Variants in NDST4 observed in about 807,000 individuals in gnomAD.
NDST4 encodes N-deacetylase and N-sulfotransferase 4.
In NDST4, 63 loss-of-function variants were observed where a neutral mutation model predicts 100.8. The ratio of observed to expected loss-of-function variants is 0.62; its 90% CI spans 0.51 to 0.77. The LOEUF (loss-of-function observed/expected upper bound fraction) is 0.77, where lower values mean the gene tolerates loss of function less well. Ranked by LOEUF, NDST4 falls within the 30% of genes least tolerant of loss-of-function variation. The probability of loss-of-function intolerance (pLI) is 0.00; values close to 1 mark genes in which losing one functional copy is unlikely to be tolerated. For missense variants in NDST4, 943 were observed against 1,018.4 expected, an observed-to-expected ratio of 0.93 and a Z score of 1.01; for synonymous variants, 377 against 361.8, an observed-to-expected ratio of 1.04 and a Z score of -0.48.
rs59764163 is a variant in NDST4, at chr4:114,894,798, A to T, written c.1537-23848T>A. ...CTATGTTAAATAGGAGTGGTGAGAGAGGGCATCCTTGTCTTTTACCGGTTT... is the reference window on the plus strand; with the variant it reads ...CTATGTTAAATAGGAGTGGTGAGAGTGGGCATCCTTGTCTTTTACCGGTTT... On this transcript the variant is annotated intron_variant, in intron 6 of 13. Transcript: ENST00000264363. Among the ~76,000 whole-genome samples the T allele has an allele frequency of 8.5e-3, 1,299 of 152,226 alleles. 19 individuals carry two copies. Among genetic ancestry groups the T allele is most frequent in the African/African-American group, 0.029 (1,204 of 41,528 alleles).
intron 8 of NDST4, among the ~76,000 whole-genome samples, chr4:114,850,183 A>C (rs997614509): frequency 6.6e-6 from 1 of 152,220 alleles, no homozygotes; most frequent in Non-Finnish European, 1.5e-5. Flanking sequence ...CATGCAGGGC[A>C]CAGATAAAAA....
intron 2 of NDST4, among the ~76,000 whole-genome samples, chr4:114,996,781 AC>A (rs1351880895): frequency 3.3e-5 from 5 of 152,166 alleles, no homozygotes; most frequent in African/African-American, 1.2e-4. Flanking sequence ...GAGAACTCAA[AC>A]TACTTGCCAA....
intron 1 of NDST4, among the ~76,000 whole-genome samples, chr4:115,098,239 T>A (rs1187368156): frequency 6.6e-6 from 1 of 152,108 alleles, no homozygotes; most frequent in Non-Finnish European, 1.5e-5. Context: ...ATTGAAAAGG[T>A]AGGTAGGTAA....
intron 10 of NDST4, among the ~76,000 whole-genome samples, chr4:114,843,536 T>TC: frequency 6.6e-6 from 1 of 152,316 alleles, no homozygotes; most frequent in South Asian, 2.1e-4. Flanking sequence ...CTCTATTTCT[T>TC]CACCCCTAAT....
chr4:115,026,269 T>C lies in NDST4; in HGVS notation c.979-48995A>G, dbSNP rs151216049. ...GTGTTATAAGAAGGAATAATAATTA[T>C]TTATTTCTGTAGAAAAAATGTCATG... On this transcript the variant is annotated intron_variant, in intron 2 of 13. Transcript: ENST00000264363. 5.7e-3 allele frequency among the ~76,000 whole-genome samples: 866 copies of C among 152,230 alleles called. 11 individuals are homozygous for C. The highest frequency in any genetic ancestry group is 0.019 in the African/African-American group (777 of 41,552).
intron 2 of NDST4, among the ~76,000 whole-genome samples, chr4:114,987,481 G>A (rs757331394): frequency 6.6e-6 from 1 of 152,182 alleles, no homozygotes; most frequent in African/African-American, 2.4e-5. Flanking sequence ...GAATGTGGAT[G>A]TTTGAGCTAC....
chr4:114,965,172 T>A (rs186100245), intron 4 of NDST4, among the ~76,000 whole-genome samples: 1 of 152,084 alleles, frequency 6.6e-6, no homozygotes, highest in African/African-American at 2.4e-5. Flanking sequence ...TTATTATCAG[T>A]TTTTTTCTGC....
intron 11 of NDST4, among the ~76,000 whole-genome samples, chr4:114,837,649 T>A (rs1723332671): frequency 1.3e-5 from 2 of 152,192 alleles, no homozygotes; most frequent in Non-Finnish European, 2.9e-5. Context: ...ACTGGACCCC[T>A]TCCTTACACT....
At chr4:115,002,023 T>C (rs6844769) in intron 2 of NDST4, among the ~76,000 whole-genome samples, 15,916 of 152,194 alleles carry the variant, frequency 0.1, 1,196 homozygotes, top group African/African-American at 0.21. Context: ...AATTAAAAAG[T>C]TCTTTCTTCA....
chr4:114,988,832 T>G (rs893856524), intron 2 of NDST4, among the ~76,000 whole-genome samples: 2 of 152,170 alleles, frequency 1.3e-5, no homozygotes, highest in African/African-American at 4.8e-5. Flanking sequence ...AATTTTAGAT[T>G]TTGTTATAAA....
intron 4 of NDST4, among the ~76,000 whole-genome samples, chr4:114,939,991 G>A (rs146878084): frequency 1.3e-5 from 2 of 152,116 alleles, no homozygotes; most frequent in South Asian, 4.2e-4. Flanking sequence ...AACCTACTTC[G>A]CAGAGACTTG....
intron 2 of NDST4, among the ~76,000 whole-genome samples, chr4:115,019,017 C>G (rs1232053593): frequency 6.6e-6 from 1 of 151,876 alleles, no homozygotes; most frequent in Non-Finnish European, 1.5e-5. Context: ...CTCTCATTAT[C>G]AAATCATCTA....
At chr4:114,982,963 G>A (rs1726812843) in intron 2 of NDST4, among the ~76,000 whole-genome samples, 1 of 152,218 alleles carries the variant, frequency 6.6e-6, no homozygotes, top group Non-Finnish European at 1.5e-5. Context: ...TGGCTTCAGA[G>A]GGTGCAAGCT....
At chr4:114,856,093 C>T (rs1003006837) in intron 7 of NDST4, among the ~76,000 whole-genome samples, 8 of 151,512 alleles carry the variant, frequency 5.3e-5, no homozygotes, top group South Asian at 2.1e-4. Flanking sequence ...AACACAGTCT[C>T]GCTCTGTCAC....
intron 6 of NDST4, among the ~76,000 whole-genome samples, chr4:114,890,735 C>T (rs1435891677): frequency 6.6e-6 from 1 of 152,090 alleles, no homozygotes; most frequent in Non-Finnish European, 1.5e-5. Context: ...GAGTGGTACT[C>T]TCATTTGTCC....
intron 10 of NDST4, among the ~76,000 whole-genome samples, chr4:114,844,612 C>A (rs1369658977): frequency 6.6e-6 from 1 of 152,192 alleles, no homozygotes; most frequent in African/African-American, 2.4e-5. Flanking sequence ...CCTTTACATA[C>A]TTCCTCACAG....
intron 4 of NDST4, among the ~76,000 whole-genome samples, chr4:114,952,133 A>G (rs890649621): frequency 6.6e-6 from 1 of 152,144 alleles, no homozygotes; most frequent in African/African-American, 2.4e-5. Flanking sequence ...TAAAGCAGAA[A>G]GAATGATTTT....
chr4:114,977,360 T>A, intron 2 of NDST4, 86 bp from the exon 3 acceptor site: 1 of 773,678 alleles, frequency 1.3e-6, no homozygotes, highest in Non-Finnish European at 2.1e-6. Context: ...TATGCATGAG[T>A]AAAACAAAAT....
chr4:115,067,527 C>A (rs1361160356), intron 2 of NDST4, among the ~76,000 whole-genome samples: 1 of 147,572 alleles, frequency 6.8e-6, no homozygotes, highest in African/African-American at 2.5e-5. Context: ...TTTTTTTTTT[C>A]TTTCTCATTC....
Sources: gnomAD v4.1 joint callset for allele counts (sites outside exome capture counted in the v4.1 genomes callset) on GRCh38, gnomAD v4.1.1 for gene constraint, MANE v1.5 for transcripts, NCBI Gene and HGNC (gene_info 2026-07-23, HGNC 2026-07-21) for gene names.